ZMYND8: variants seen among roughly 807,000 people sequenced by gnomAD.
ZMYND8 encodes the protein MYND-type zinc finger-containing chromatin reader ZMYND8.
A neutral mutation model predicts 140.8 loss-of-function variants in ZMYND8; 37 were observed. The ratio of observed to expected loss-of-function variants is 0.26; its 90% CI spans 0.20 to 0.35. The LOEUF is 0.35. ZMYND8 is among the 10% of genes least tolerant of loss of function. The pLI, the probability that ZMYND8 is intolerant of heterozygous loss-of-function variation, is 1.00. For synonymous variants in ZMYND8, 592 were observed against 597.1 expected, an observed-to-expected ratio of 0.99 and a Z score of 0.12; for missense variants, 1,068 against 1,570.0, an observed-to-expected ratio of 0.68 and a Z score of 5.40.
intron 4 of ZMYND8, among the ~76,000 whole-genome samples, chr20:47,297,619 C>T (rs1262768475): frequency 6.6e-6 from 1 of 152,032 alleles, no homozygotes; most frequent in Non-Finnish European, 1.5e-5. Flanking sequence ...AGATGGGGGT[C>T]TCCCTATGTT....
At chr20:47,272,388 T>C (rs1021236346) in intron 11 of ZMYND8, among the ~76,000 whole-genome samples, 3 of 152,146 alleles carry the variant, frequency 2.0e-5, no homozygotes, top group African/African-American at 4.8e-5. Flanking sequence ...CTCTTTCCTT[T>C]CTTAAATGGT....
chr20:47,282,702 C>T (rs1177889364), intron 9 of ZMYND8, among the ~76,000 whole-genome samples: 2 of 144,454 alleles, frequency 1.4e-5, no homozygotes, highest in African/African-American at 5.2e-5. Flanking sequence ...CCAGCCAGGG[C>T]GACAGATCGA....
intron 16 of ZMYND8, among the ~76,000 whole-genome samples, chr20:47,232,906 G>GTT (rs758568932): frequency 1.6e-5 from 2 of 123,420 alleles, no homozygotes; most frequent in Admixed American, 8.1e-5. Context: ...TGTTTTTTTT[G>GTT]TTTTTTTTTT....
chr20:47,339,210 G>A (rs1396263010), intron 2 of ZMYND8, among the ~76,000 whole-genome samples: 1 of 151,918 alleles, frequency 6.6e-6, no homozygotes, highest in Non-Finnish European at 1.5e-5. Context: ...CTGACCTTGT[G>A]ATCCGCCCGC....
chr20:47,280,254 C>T (rs1441100646), intron 10 of ZMYND8, among the ~76,000 whole-genome samples: 2 of 152,098 alleles, frequency 1.3e-5, no homozygotes, highest in African/African-American at 2.4e-5. Flanking sequence ...CAGGGGATCC[C>T]CTCTCCCAAA....
chr20:47,233,835 T>G (rs1420026960), intron 16 of ZMYND8, among the ~76,000 whole-genome samples: 1 of 152,176 alleles, frequency 6.6e-6, no homozygotes, highest in Non-Finnish European at 1.5e-5. Flanking sequence ...TAGCCTAGAG[T>G]AAATGCTATG....
intron 17 of ZMYND8, among the ~76,000 whole-genome samples, chr20:47,228,074 C>T (rs2037945768): frequency 6.9e-6 from 1 of 145,674 alleles, no homozygotes; most frequent in East Asian, 2.0e-4. Context: ...ACCTGGGTGA[C>T]AGAGCGAGAC....
At chr20:47,278,121 G>A (rs965422110) in intron 10 of ZMYND8, among the ~76,000 whole-genome samples, 27 of 152,204 alleles carry the variant, frequency 1.8e-4, no homozygotes, top group African/African-American at 6.0e-4. Context: ...ACAGGCACGC[G>A]CCACAACACA....
At position 47,298,259 on chromosome 20, in the gene ZMYND8, T is replaced by C; in HGVS notation, c.453+470A>G. ...ACCTAATAGGCACTCAAGAAATACT[T>C]GTTGCACAAAAGAAAGCACCAGACG... is the stretch of plus-strand genomic sequence containing the variant. On this transcript the variant is annotated intron_variant, in intron 4 of 22. Transcript: ENST00000471951. This position sits in a 1 kb window ranked among gnomAD's most constrained non-coding sequence, Gnocchi z 5.0. 1 of 985,286 alleles carries C rather than the reference T, an allele frequency of 1.0e-6. No homozygotes were observed. The highest frequency in any genetic ancestry group is 1.2e-6 in the Non-Finnish European group (1 of 829,830). The allele number at this position is 985,286 out of a possible 1,614,324, so 61.0% of individuals were successfully genotyped here. A position where few individuals can be genotyped will look rare whatever the true frequency, so the allele number is the denominator to read the frequency against.
chr20:47,345,306 G>A (rs2082247539), intron 2 of ZMYND8, among the ~76,000 whole-genome samples: 1 of 152,106 alleles, frequency 6.6e-6, no homozygotes, highest in African/African-American at 2.4e-5. Context: ...GGGCCCCAAG[G>A]AAGGAACCAA....
At chr20:47,329,508 G>A (rs891625764) in intron 2 of ZMYND8, among the ~76,000 whole-genome samples, 4 of 152,038 alleles carry the variant, frequency 2.6e-5, no homozygotes, top group Non-Finnish European at 4.4e-5. Context: ...GAGTTCAAGC[G>A]ATTCTCCAGC....
intron 3 of ZMYND8, among the ~76,000 whole-genome samples, chr20:47,308,079 A>G (rs926491714): frequency 2.0e-5 from 3 of 149,492 alleles, no homozygotes; most frequent in Non-Finnish European, 3.0e-5. Flanking sequence ...GATCACACCA[A>G]TGCACCCCAG....
intron 2 of ZMYND8, among the ~76,000 whole-genome samples, chr20:47,338,524 G>C (rs1255070410): frequency 6.6e-6 from 1 of 152,118 alleles, no homozygotes; most frequent in Non-Finnish European, 1.5e-5. Flanking sequence ...ATCCCGGTCA[G>C]CTTCACAGAC....
intron 2 of ZMYND8, among the ~76,000 whole-genome samples, chr20:47,345,838 C>CG (rs2082290028): frequency 6.3e-5 from 2 of 31,712 alleles, no homozygotes; most frequent in African/African-American, 1.2e-4. Context: ...GAGATGGGGG[C>CG]GGGAGGGGGG....
intron 21 of ZMYND8, among the ~76,000 whole-genome samples, chr20:47,219,500 T>C (rs1248908110): frequency 6.8e-6 from 1 of 146,170 alleles, no homozygotes; most frequent in Non-Finnish European, 1.5e-5. Context: ...CACTCCAGCC[T>C]GGGCGACAGG....
chr20:47,270,853 A>G (rs924361083), intron 11 of ZMYND8, among the ~76,000 whole-genome samples: 43 of 152,076 alleles, frequency 2.8e-4, no homozygotes, highest in African/African-American at 8.7e-4. Context: ...AGAGGCGGGC[A>G]GATCACGAGG....
chr20:47,224,225 G>T, intron 19 of ZMYND8, 92 bp downstream of exon 19: 1 of 1,559,432 alleles, frequency 6.4e-7, no homozygotes, highest in South Asian at 1.2e-5. Context: ...AAGCTCCCTT[G>T]ACAATTAGCC....
chr20:47,331,743 G>T (rs1171708590), intron 2 of ZMYND8, among the ~76,000 whole-genome samples: 4 of 152,144 alleles, frequency 2.6e-5, no homozygotes, highest in African/African-American at 7.2e-5. Context: ...AGAATAATCA[G>T]CATCTCCAGT....
intron 2 of ZMYND8, among the ~76,000 whole-genome samples, chr20:47,322,527 G>A (rs1033138097): frequency 2.1e-5 from 3 of 143,028 alleles, no homozygotes; most frequent in African/African-American, 7.9e-5. Flanking sequence ...TGCGACCTCC[G>A]CCTCCTGGGT....
Sources: allele counts gnomAD v4.1 joint callset (sites outside exome capture counted in the v4.1 genomes callset), GRCh38; gene constraint gnomAD v4.1.1; non-coding constraint Gnocchi (gnomAD v3.1); transcripts MANE v1.5; gene names NCBI Gene and HGNC (gene_info 2026-07-23, HGNC 2026-07-21).